EHMT2: variants seen among roughly 807,000 people sequenced by gnomAD.
The protein encoded by EHMT2 is euchromatic histone lysine methyltransferase 2, also known as histone-lysine N-methyltransferase EHMT2.
In EHMT2, 59 loss-of-function variants were observed where a neutral mutation model predicts 143.3. The observed-to-expected ratio is 0.41, with a 90% CI of 0.33 to 0.51. EHMT2 has a LOEUF of 0.51. EHMT2 is among the 20% of genes least tolerant of loss of function. The pLI is 0.18. For synonymous variants in EHMT2, 604 were observed against 651.5 expected, an observed-to-expected ratio of 0.93 and a Z score of 1.11; for missense variants, 1,174 against 1,645.9, an observed-to-expected ratio of 0.71 and a Z score of 4.96.
rs1581971277 is a variant in EHMT2 at position 31,896,835 on chromosome 6, A to G, written c.110-11T>C. On this transcript the variant is annotated splice_polypyrimidine_tract_variant and intron_variant, in intron 2 of 27. Transcript: ENST00000375537. ...CCAAAGAGCCATGAACTGTAGAGGA[A>G]GAGAAAAAGTTCAGAGCTAAGGGCT... 6.2e-7 allele frequency: 1 copy of G among 1,612,762 alleles called. No homozygotes were observed. The highest frequency in any genetic ancestry group is 1.1e-5 in the South Asian group (1 of 91,086).
chr6:31,883,981 G>A lies in EHMT2; in HGVS notation c.2772-31C>T, dbSNP rs549130356. On this transcript the variant is annotated intron_variant, in intron 21 of 27. Coordinates refer to ENST00000375537, the Ensembl canonical transcript of EHMT2. The surrounding 1 kb of genome is among the most constrained non-coding windows in gnomAD (Gnocchi z 5.6). ...GAAGACGGGAAGAAGGGGCTGGGAA[G>A]CTGGAAAAGGGGGTGAGGAGCTACT... The A allele has an allele frequency of 3.1e-6, 5 of 1,608,766 alleles. No individual in the cohort carries two copies. In the South Asian group the frequency reaches 3.3e-5, roughly 11 times the overall value.
chr6:31,888,687 C>T lies in EHMT2; in HGVS notation c.1277G>A (p.Cys426Tyr). 6.2e-7 allele frequency: 1 copy of T among 1,613,850 alleles called. No homozygotes were observed. The highest frequency in any genetic ancestry group is 8.5e-7 in the Non-Finnish European group (1 of 1,180,016). ...CTTGGGTGCCTCCATGCGGCAGCTG[C>T]ACAGGGGCAACTCCTCAAACCCTCG... is the stretch of plus-strand genomic sequence containing the variant. Residue 426 changes from cysteine (C) to tyrosine (Y), a missense_variant, in exon 11 of 28, where the codon TGC becomes TAC. Physicochemically the swap from Cys to Tyr is radical, Grantham distance 194. Around this residue, in one of 6 missense-constraint regions of EHMT2, gnomAD observed 608 missense variants for 903.7 expected, o/e 0.67. Coordinates refer to ENST00000375537, the Ensembl canonical transcript of EHMT2. This position sits in a 1 kb window ranked among gnomAD's most constrained non-coding sequence, Gnocchi z 7.4.
chr6:31,888,754 T>C lies in EHMT2; in HGVS notation c.1217-7A>G. 3 of 1,612,318 alleles carry C rather than the reference T, an allele frequency of 1.9e-6. No homozygotes were observed. The highest frequency in any genetic ancestry group is 2.5e-6 in the Non-Finnish European group (3 of 1,179,902). On this transcript the variant is annotated splice_region_variant and splice_polypyrimidine_tract_variant and intron_variant, in intron 10 of 27. Transcript: ENST00000375537. This position sits in a 1 kb window ranked among gnomAD's most constrained non-coding sequence, Gnocchi z 7.4. ...GATGTGTCATTGGACACCCCTTGGA[T>C]GGAGGAAAAGAGGAGCTGAGGGAGG...
At chr6:31,886,918 T>C (rs1468167211) in intron 16 of EHMT2, 21 bp from the exon 17 acceptor site, 6 of 1,613,762 alleles carry the variant, frequency 3.7e-6, no homozygotes, top group Non-Finnish European at 4.2e-6. Context: ...GCAGGAGGGC[T>C]GGCACCAGGG....
At chr6:31,896,860 T>C in intron 2 of EHMT2, 36 bp from the exon 3 acceptor site, 2 of 1,612,200 alleles carry the variant, frequency 1.2e-6, no homozygotes, top group Non-Finnish European at 1.7e-6. Flanking sequence ...AGCTAAGGGC[T>C]CAGGAGATCC....
chr6:31,884,981 T>C lies in EHMT2; in HGVS notation c.2379A>G (p.Ala793=). ...GGATCACCTCGATGTGCTTGTGCTC[T>C]GCAGCCCAGATGATGGGCGTCCACC... The change falls in exon 19 of 28, where the codon GCA becomes GCG. Residue 793 remains alanine, a synonymous_variant. Transcript: ENST00000375537. The surrounding 1 kb of genome is among the most constrained non-coding windows in gnomAD (Gnocchi z 7.3). 19 of 1,610,590 alleles carry C rather than the reference T, an allele frequency of 1.2e-5. No individual in the cohort carries two copies. Among genetic ancestry groups the C allele is most frequent in the Non-Finnish European group, 1.6e-5 (19 of 1,177,590 alleles).
At chr6:31,886,830 T>C (rs758839315) in exon 17 of EHMT2, 8 of 1,614,078 alleles carry the variant, frequency 5.0e-6, no homozygotes, top group Admixed American at 1.7e-5. Context: ...CTCCAGGTGG[T>C]TGTTCACCAC....
chr6:31,893,266 A>G, intron 4 of EHMT2: 1 of 474,414 alleles, frequency 2.1e-6, no homozygotes, highest in Middle Eastern at 3.1e-4. Flanking sequence ...AGATGAATGG[A>G]TAAGCAAAAT....
At chr6:31,894,973 A>G (rs1275541480) in intron 4 of EHMT2, among the ~76,000 whole-genome samples, 3 of 152,208 alleles carry the variant, frequency 2.0e-5, no homozygotes, top group Non-Finnish European at 4.4e-5. Flanking sequence ...CTATTATGTT[A>G]TTATTGTTGT....
chr6:31,890,164 T>G (rs1765495445), intron 7 of EHMT2, among the ~76,000 whole-genome samples: 1 of 152,178 alleles, frequency 6.6e-6, no homozygotes, highest in Non-Finnish European at 1.5e-5. Context: ...AGAGAGGATG[T>G]GTCAATCTCC....
rs1173370251 is a variant in EHMT2 at position 31,881,295 on chromosome 6, GA to G, written c.3198-204del. On this transcript the variant is annotated intron_variant, in intron 25 of 27. Transcript: ENST00000375537. The surrounding 1 kb of genome is among the most constrained non-coding windows in gnomAD (Gnocchi z 4.8). ...ACAGAGGAAGCCTTCAGTCAGCACAGAGACAGACAACAAGCTCTGTGGTTAA... is the reference window on the plus strand; with the variant it reads ...ACAGAGGAAGCCTTCAGTCAGCACAGGACAGACAACAAGCTCTGTGGTTAA... 1.6e-6 allele frequency: 1 copy of G among 626,288 alleles called. No homozygotes were observed. The highest frequency in any genetic ancestry group is 2.9e-6 in the Non-Finnish European group (1 of 349,312). 38.8% of individuals were successfully genotyped at this position (626,288 alleles called of 1,614,324 possible).
At chr6:31,897,533 G>C in intron 1 of EHMT2, 103 bp downstream of exon 1, 1 of 910,290 alleles carries the variant, frequency 1.1e-6, no homozygotes, top group Non-Finnish European at 1.3e-6. Flanking sequence ...AGTCCCGCCC[G>C]GGCCCCCCGG....
At chr6:31,895,802 A>G (rs936145240) in intron 4 of EHMT2, 1 of 160,702 alleles carries the variant, frequency 6.2e-6, no homozygotes, top group Admixed American at 6.5e-5. Flanking sequence ...AACAATAGGT[A>G]TGACCCAAGA....
In EHMT2 at chr6:31,884,539, G is replaced by A. The variant is rs1686555948; in HGVS notation, c.2624C>T (p.Ala875Val). 1 of 1,612,836 alleles carries A rather than the reference G, an allele frequency of 6.2e-7. No homozygotes were observed. The highest frequency in any genetic ancestry group is 8.5e-7 in the Non-Finnish European group (1 of 1,180,014). The change falls in exon 21 of 28, where the codon GCC becomes GTC. Residue 875 changes from alanine (A) to valine (V), a missense_variant. By Grantham distance (64) the Ala-to-Val change is moderately conservative. This residue lies in a region of EHMT2 where 608 missense variants were observed against 903.7 expected (regional missense o/e 0.67). Coordinates refer to ENST00000375537, the Ensembl canonical transcript of EHMT2. This position sits in a 1 kb window ranked among gnomAD's most constrained non-coding sequence, Gnocchi z 7.3. ...CTCTTTGTTCCGCAGCTCAGGGTTG[G>A]CCCCACGTGACAGGAATAACCTGAA... is the stretch of plus-strand genomic sequence containing the variant.
In EHMT2 at chr6:31,889,954, G is replaced by A. The variant is rs1046358726; in HGVS notation, c.865-352C>T. 2.0e-5 allele frequency among the ~76,000 whole-genome samples: 3 copies of A among 152,176 alleles called. No individual in the cohort carries two copies. Among genetic ancestry groups the A allele is most frequent in the South Asian group, 2.1e-4 (1 of 4,828 alleles). ...AAAACACTAGACACAAAGCTCATGA[G>A]AAACTTTATATGAAAGGTTCAGGCT... is the stretch of plus-strand genomic sequence containing the variant. On this transcript the variant is annotated intron_variant, in intron 7 of 27. Transcript: ENST00000375537. This position sits in a 1 kb window ranked among gnomAD's most constrained non-coding sequence, Gnocchi z 5.1.
At chr6:31,892,764 CT>C in intron 5 of EHMT2, 30 bp from the exon 6 acceptor site, 1 of 1,613,084 alleles carries the variant, frequency 6.2e-7, no homozygotes, top group Middle Eastern at 1.6e-4. Context: ...GGTGTGGGGC[CT>C]ATCACCGAAA....
At position 31,883,561 on chromosome 6, in the gene EHMT2, T is replaced by A; in HGVS notation, c.2917-122A>T. The A allele has an allele frequency of 9.0e-7, 1 of 1,116,924 alleles. No individual in the cohort carries two copies. The highest frequency in any genetic ancestry group is 1.4e-5 in the South Asian group (1 of 72,466). The allele number at this position is 1,116,924 out of a possible 1,614,324, so 69.2% of individuals were successfully genotyped here. ...GGGGTCCATGTGTTACAACAGTGGG[T>A]GGTGATGGTCCTAGGGTGACGGGTA... On this transcript the variant is annotated intron_variant, in intron 22 of 27. Transcript: ENST00000375537. The surrounding 1 kb of genome is among the most constrained non-coding windows in gnomAD (Gnocchi z 5.6).
rs988414997 is a variant in EHMT2 at position 31,883,294 on chromosome 6, G to C, written c.2994+68C>G. 9 of 1,506,098 alleles carry C rather than the reference G, an allele frequency of 6.0e-6. No homozygotes were observed. The African/African-American group carries it at 1.2e-4, about 21-fold the overall frequency. The allele number at this position is 1,506,098 out of a possible 1,614,324, so 93.3% of individuals were successfully genotyped here. A position where few individuals can be genotyped will look rare whatever the true frequency, so the allele number is the denominator to read the frequency against. On this transcript the variant is annotated intron_variant, in intron 23 of 27. Coordinates refer to ENST00000375537, the Ensembl canonical transcript of EHMT2. This position sits in a 1 kb window ranked among gnomAD's most constrained non-coding sequence, Gnocchi z 5.6. ...GTGAGGGACATGGTCCCAGGGAGCT[G>C]GTTTATTGGAGGCTGGCTCCTCTGA...
At chr6:31,882,838 G>A in intron 24 of EHMT2, 53 bp from the exon 25 acceptor site, 2 of 1,611,930 alleles carry the variant, frequency 1.2e-6, no homozygotes, top group Admixed American at 3.3e-5. Context: ...AAAGCCCCAG[G>A]GGCAGGGAGG....
Sources: allele counts gnomAD v4.1 joint callset (sites outside exome capture counted in the v4.1 genomes callset), GRCh38; gene constraint gnomAD v4.1.1; regional missense constraint gnomAD v4.1.1; non-coding constraint Gnocchi (gnomAD v3.1); transcripts MANE v1.5; gene names NCBI Gene and HGNC (gene_info 2026-07-23, HGNC 2026-07-21).